The following TAFA2 variants were observed in gnomAD, a reference collection of about 807,000 sequenced individuals.
The protein encoded by TAFA2 is chemokine-like protein TAFA-2.
In TAFA2, 7 loss-of-function variants were observed where a neutral mutation model predicts 18.8. That is an observed-to-expected ratio of 0.37 (90% CI 0.21 to 0.70). The LOEUF (loss-of-function observed/expected upper bound fraction) is 0.70. Among genes scored for constraint, TAFA2 ranks in the 30% least tolerant of loss-of-function variants. The pLI is 0.53. For missense variants in TAFA2, 122 were observed against 158.1 expected, an observed-to-expected ratio of 0.77 and a Z score of 1.23; for synonymous variants, 60 against 54.2, an observed-to-expected ratio of 1.11 and a Z score of -0.47.
chr12:61,718,535 G>A (rs1869759663), intron 4 of TAFA2, among the ~76,000 whole-genome samples: 1 of 152,122 alleles, frequency 6.6e-6, no homozygotes, highest in Non-Finnish European at 1.5e-5. Context: ...AACAGCATAT[G>A]GAATAAGTAG....
chr12:61,959,996 T>A (rs1289188737), intron 1 of TAFA2, among the ~76,000 whole-genome samples: 1 of 152,036 alleles, frequency 6.6e-6, no homozygotes, highest in Non-Finnish European at 1.5e-5. Context: ...CACCTCTGTG[T>A]CCTGAGTAGC....
chr12:61,741,420 C>A (rs1333985999), intron 4 of TAFA2, among the ~76,000 whole-genome samples: 2 of 151,734 alleles, frequency 1.3e-5, no homozygotes, highest in Admixed American at 6.6e-5. Context: ...GAATTTTGTT[C>A]TATTATGATA....
intron 1 of TAFA2, chr12:62,234,887 G>A (rs1323906028): frequency 1.0e-5 from 10 of 999,254 alleles, no homozygotes; most frequent in South Asian, 3.8e-5. Context: ...GGCATCCCAC[G>A]ATCATGGGCA....
At chr12:61,972,949 C>T (rs1411057351) in intron 1 of TAFA2, among the ~76,000 whole-genome samples, 1 of 151,612 alleles carries the variant, frequency 6.6e-6, no homozygotes, top group African/African-American at 2.4e-5. Flanking sequence ...ACTTTAGAAA[C>T]GATTTTCCCA....
chr12:62,222,547 G>A (rs929108752), intron 1 of TAFA2, among the ~76,000 whole-genome samples: 10 of 151,686 alleles, frequency 6.6e-5, no homozygotes, highest in African/African-American at 2.2e-4. Flanking sequence ...TTGCTCTGTC[G>A]CCCAGGCTGG....
intron 1 of TAFA2, among the ~76,000 whole-genome samples, chr12:62,011,305 A>C (rs1880757984): frequency 1.3e-5 from 2 of 152,036 alleles, no homozygotes; most frequent in African/African-American, 4.8e-5. Flanking sequence ...TGTTGAAAGG[A>C]AAAGGGGGAA....
chr12:61,708,936 C>A lies in TAFA2; in HGVS notation c.*1470G>T, dbSNP rs1869265509. ...TTTTAGAATACAAAGTATTTCCATA[C>A]CTTCTTCCATACCACCTTCCATGAT... On this transcript the variant is annotated 3_prime_UTR_variant, in exon 5 of 5. Transcript: ENST00000416284. The A allele has an allele frequency of 6.6e-6, 1 of 152,328 alleles. No homozygotes were observed. Among genetic ancestry groups the A allele is most frequent in the South Asian group, 2.1e-4 (1 of 4,830 alleles). 9.4% of individuals were successfully genotyped at this position (152,328 alleles called of 1,614,324 possible).
At chr12:61,780,719 C>G (rs1047555046) in intron 2 of TAFA2, among the ~76,000 whole-genome samples, 2 of 151,638 alleles carry the variant, frequency 1.3e-5, no homozygotes, top group Non-Finnish European at 2.9e-5. Flanking sequence ...CTGCTAAAGT[C>G]CTTCAGTACT....
chr12:61,713,016 A>C (rs1281319176), intron 4 of TAFA2, among the ~76,000 whole-genome samples: 1 of 152,186 alleles, frequency 6.6e-6, no homozygotes, highest in Non-Finnish European at 1.5e-5. Flanking sequence ...GAATGTATAA[A>C]TCTTTAACAA....
chr12:61,974,200 C>T (rs1879352050), intron 1 of TAFA2, among the ~76,000 whole-genome samples: 1 of 151,634 alleles, frequency 6.6e-6, no homozygotes, highest in African/African-American at 2.4e-5. Context: ...AAATATATTC[C>T]TGTTCTATTC....
At chr12:62,235,505 C>G (rs1335950057) in intron 1 of TAFA2, 4 of 555,232 alleles carry the variant, frequency 7.2e-6, no homozygotes, top group East Asian at 3.3e-5. Context: ...AGCCTGTGGT[C>G]GGCTGTACAT....
chr12:61,846,483 T>C (rs1873411034), intron 2 of TAFA2, among the ~76,000 whole-genome samples: 1 of 152,172 alleles, frequency 6.6e-6, no homozygotes. Flanking sequence ...CAATTTCTTG[T>C]TTATGACTTA....
At chr12:61,907,471 G>A (rs182363044) in intron 1 of TAFA2, among the ~76,000 whole-genome samples, 170 of 152,296 alleles carry the variant, frequency 1.1e-3, no homozygotes, top group African/African-American at 3.9e-3. Flanking sequence ...TGAGGTTTGG[G>A]AACCTCCACC....
chr12:61,789,767 C>T (rs1212494178), intron 2 of TAFA2, among the ~76,000 whole-genome samples: 1 of 151,800 alleles, frequency 6.6e-6, no homozygotes, highest in Non-Finnish European at 1.5e-5. Flanking sequence ...TTGGTGGTTT[C>T]ACTGCTAAAT....
chr12:62,239,047 C>A (rs1231840012), intron 1 of TAFA2, among the ~76,000 whole-genome samples: 1 of 152,138 alleles, frequency 6.6e-6, no homozygotes, highest in Admixed American at 6.5e-5. Context: ...GACTTTAGAT[C>A]TTTTCACAGA....
intron 1 of TAFA2, among the ~76,000 whole-genome samples, chr12:61,927,586 C>T (rs1160316868): frequency 6.6e-6 from 1 of 152,142 alleles, no homozygotes; most frequent in Non-Finnish European, 1.5e-5. Context: ...GCCCTACTAC[C>T]CAAAGTAATT....
At chr12:61,920,569 G>A (rs938918077) in intron 1 of TAFA2, among the ~76,000 whole-genome samples, 2 of 152,026 alleles carry the variant, frequency 1.3e-5, no homozygotes, top group East Asian at 1.9e-4. Flanking sequence ...CAAATGTATT[G>A]TTCCTTGTTA....
chr12:61,747,290 T>G (rs1397260459), intron 4 of TAFA2, among the ~76,000 whole-genome samples: 2 of 145,760 alleles, frequency 1.4e-5, no homozygotes, highest in African/African-American at 2.6e-5. Flanking sequence ...GTTCAACCAT[T>G]GTGGAAGTCA....
At chr12:61,747,161 T>C (rs980937442) in intron 4 of TAFA2, among the ~76,000 whole-genome samples, 2 of 152,118 alleles carry the variant, frequency 1.3e-5, no homozygotes, top group East Asian at 3.9e-4. Flanking sequence ...AAGACCACAA[T>C]GAGATACCAT....
Sources: gnomAD v4.1 joint callset for allele counts (sites outside exome capture counted in the v4.1 genomes callset) on GRCh38, gnomAD v4.1.1 for gene constraint, MANE v1.5 for transcripts, NCBI Gene and HGNC (gene_info 2026-07-23, HGNC 2026-07-21) for gene names.